SNORD118: variants seen among roughly 807,000 people sequenced by gnomAD.
SNORD118 encodes small nucleolar RNA, C/D box 118.
chr17:8,173,497 G>T (rs74861860), exon 1 of SNORD118: 8 of 765,148 alleles, frequency 1.0e-5, no homozygotes, highest in African/African-American at 5.1e-5. Context: ...TGATTACGCA[G>T]AGACGTTAAT....
Position 8,173,551 on chromosome 17 carries a change from C to T in SNORD118, n.37G>A, listed in dbSNP as rs539261856. 52 of 765,024 alleles carry T rather than the reference C, an allele frequency of 6.8e-5. No homozygotes were observed. Among genetic ancestry groups the T allele is most frequent in the Admixed American group, 1.7e-4 (10 of 58,994 alleles). 47.4% of individuals were successfully genotyped at this position (765,024 alleles called of 1,614,324 possible). Reference sequence around the variant, plus strand: ...AATCATCATGTTCTAATCTGCCCTCCGGAGGAGGAACAGGTAAGGATTATC... The same window carrying T: ...AATCATCATGTTCTAATCTGCCCTCTGGAGGAGGAACAGGTAAGGATTATC... On this transcript the variant is annotated non_coding_transcript_exon_variant, in exon 1 of 1. Transcript: ENST00000363593.
chr17:8,173,574 AT>A (rs769936619), exon 1 of SNORD118: 2 of 764,780 alleles, frequency 2.6e-6, no homozygotes. Flanking sequence ...GGTAAGGATT[AT>A]CCCACCTGAC....
rs200875242 is a variant in SNORD118 at position 8,173,567 on chromosome 17, A to C, written n.21T>G. On this transcript the variant is annotated non_coding_transcript_exon_variant, in exon 1 of 1. Coordinates refer to ENST00000363593, the Ensembl canonical transcript of SNORD118. ...TCTGCCCTCCGGAGGAGGAACAGGT[A>C]AGGATTATCCCACCTGACGATACAG... 1.0e-5 allele frequency: 8 copies of C among 765,300 alleles called. No individual in the cohort carries two copies. Among genetic ancestry groups the C allele is most frequent in the Non-Finnish European group, 1.7e-5 (7 of 417,954 alleles). The allele number at this position is 765,300 out of a possible 1,614,324, so 47.4% of individuals were successfully genotyped here. A position where few individuals can be genotyped will look rare whatever the true frequency, so the allele number is the denominator to read the frequency against.
chr17:8,173,542 T>A lies in SNORD118; in HGVS notation n.46A>T, dbSNP rs563019939. The A allele has an allele frequency of 1.6e-5, 12 of 765,432 alleles. 1 individual carries two copies. Among genetic ancestry groups the A allele is most frequent in the South Asian group, 5.4e-5 (4 of 74,618 alleles). 47.4% of individuals were successfully genotyped at this position (765,432 alleles called of 1,614,324 possible). On this transcript the variant is annotated non_coding_transcript_exon_variant, in exon 1 of 1. Coordinates refer to ENST00000363593, the Ensembl canonical transcript of SNORD118. ...TGCATCTCCAATCATCATGTTCTAA[T>A]CTGCCCTCCGGAGGAGGAACAGGTA...
Position 8,173,570 on chromosome 17 carries a change from G to A in SNORD118, n.18C>T, listed in dbSNP as rs374791151. The A allele has an allele frequency of 1.9e-4, 145 of 764,862 alleles. No homozygotes were observed. The highest frequency in any genetic ancestry group is 6.8e-4 in the Admixed American group (40 of 58,932). 47.4% of individuals were successfully genotyped at this position (764,862 alleles called of 1,614,324 possible). A position where few individuals can be genotyped will look rare whatever the true frequency, so the allele number is the denominator to read the frequency against. The stretch of plus-strand genomic sequence containing the variant: ...GCCCTCCGGAGGAGGAACAGGTAAG[G>A]ATTATCCCACCTGACGATACAGACA... On this transcript the variant is annotated non_coding_transcript_exon_variant, in exon 1 of 1. Coordinates refer to ENST00000363593, the Ensembl canonical transcript of SNORD118.
At position 8,173,571 on chromosome 17, in the gene SNORD118, A is replaced by T. The variant is rs1476705853; in HGVS notation, n.17T>A. On this transcript the variant is annotated non_coding_transcript_exon_variant, in exon 1 of 1. Coordinates refer to ENST00000363593, the Ensembl canonical transcript of SNORD118. Reference sequence around the variant, plus strand: ...CCCTCCGGAGGAGGAACAGGTAAGGATTATCCCACCTGACGATACAGACAA... The same window carrying T: ...CCCTCCGGAGGAGGAACAGGTAAGGTTTATCCCACCTGACGATACAGACAA... 3.9e-6 allele frequency: 3 copies of T among 764,986 alleles called. No individual in the cohort carries two copies. Among genetic ancestry groups the T allele is most frequent in the East Asian group, 2.4e-5 (1 of 41,244 alleles). The allele number at this position is 764,986 out of a possible 1,614,324, so 47.4% of individuals were successfully genotyped here. A position where few individuals can be genotyped will look rare whatever the true frequency, so the allele number is the denominator to read the frequency against.
chr17:8,173,536 T>G (rs772145329), exon 1 of SNORD118: 2 of 765,306 alleles, frequency 2.6e-6, no homozygotes, highest in Non-Finnish European at 4.8e-6. Flanking sequence ...AATCATCATG[T>G]TCTAATCTGC....
Position 8,173,524 on chromosome 17 carries a change from C to A in SNORD118, n.64G>T, listed in dbSNP as rs769037861. The A allele has an allele frequency of 1.3e-6, 1 of 765,378 alleles. No individual in the cohort carries two copies. The highest frequency in any genetic ancestry group is 1.3e-5 in the South Asian group (1 of 74,610). The allele number at this position is 765,378 out of a possible 1,614,324, so 47.4% of individuals were successfully genotyped here. A position where few individuals can be genotyped will look rare whatever the true frequency, so the allele number is the denominator to read the frequency against. On this transcript the variant is annotated non_coding_transcript_exon_variant, in exon 1 of 1. Transcript: ENST00000363593. The stretch of plus-strand genomic sequence containing the variant: ...GACGTTAATCACGTTTCATGCATCT[C>A]CAATCATCATGTTCTAATCTGCCCT...
chr17:8,173,508 C>A (rs772667974), exon 1 of SNORD118: 5 of 765,320 alleles, frequency 6.5e-6, no homozygotes, highest in East Asian at 2.4e-5. Context: ...AGACGTTAAT[C>A]ACGTTTCATG....
At position 8,173,485 on chromosome 17, in the gene SNORD118, C is replaced by T. The variant is rs201686383; in HGVS notation, n.103G>A. The T allele has an allele frequency of 4.5e-4, 341 of 764,944 alleles. No individual in the cohort carries two copies. Among genetic ancestry groups the T allele is most frequent in the Non-Finnish European group, 6.3e-4 (265 of 417,966 alleles). The allele number at this position is 764,944 out of a possible 1,614,324, so 47.4% of individuals were successfully genotyped here. The stretch of plus-strand genomic sequence containing the variant: ...CAGGAGCAATCAGGGTGTTGCAAGT[C>T]CTGATTACGCAGAGACGTTAATCAC... On this transcript the variant is annotated non_coding_transcript_exon_variant, in exon 1 of 1. Coordinates refer to ENST00000363593, the Ensembl canonical transcript of SNORD118.
At chr17:8,173,542 T>G (rs563019939) in exon 1 of SNORD118, 14 of 765,314 alleles carry the variant, frequency 1.8e-5, no homozygotes, top group South Asian at 1.2e-4. Context: ...CATGTTCTAA[T>G]CTGCCCTCCG....
exon 1 of SNORD118, chr17:8,173,539 T>TA (rs1555525613): frequency 1.6e-5 from 12 of 765,344 alleles, no homozygotes; most frequent in Non-Finnish European, 2.4e-5. Flanking sequence ...CATCATGTTC[T>TA]AATCTGCCCT....
In SNORD118 at chr17:8,173,521, T is replaced by C. The variant is rs189731051; in HGVS notation, n.67A>G. The C allele has an allele frequency of 7.6e-5, 58 of 765,228 alleles. No individual in the cohort carries two copies. The highest frequency in any genetic ancestry group is 1.0e-4 in the Non-Finnish European group (42 of 418,020). 47.4% of individuals were successfully genotyped at this position (765,228 alleles called of 1,614,324 possible). ...AGAGACGTTAATCACGTTTCATGCA[T>C]CTCCAATCATCATGTTCTAATCTGC... is the stretch of plus-strand genomic sequence containing the variant. On this transcript the variant is annotated non_coding_transcript_exon_variant, in exon 1 of 1. Coordinates refer to ENST00000363593, the Ensembl canonical transcript of SNORD118.
chr17:8,173,452 G>GAATCAGACAGGAGC, downstream of SNORD118: 1 of 762,934 alleles, frequency 1.3e-6, no homozygotes, highest in Non-Finnish European at 2.4e-6. Flanking sequence ...TCGTCAGAAA[G>GAATCAGACAGGAGC]AATCAGACAG....
chr17:8,173,519 C>T (rs186410337), exon 1 of SNORD118: 41 of 765,374 alleles, frequency 5.4e-5, no homozygotes, highest in South Asian at 1.7e-4. Flanking sequence ...ACGTTTCATG[C>T]ATCTCCAATC....
In SNORD118 at chr17:8,173,527, A is replaced by AT. The variant is rs1324897961; in HGVS notation, n.60dup. 1.0e-5 allele frequency: 8 copies of AT among 765,310 alleles called. No homozygotes were observed. The East Asian group carries it at 1.9e-4, about 19-fold the overall frequency. The allele number at this position is 765,310 out of a possible 1,614,324, so 47.4% of individuals were successfully genotyped here. The stretch of plus-strand genomic sequence containing the variant: ...GTTAATCACGTTTCATGCATCTCCA[A>AT]TCATCATGTTCTAATCTGCCCTCCG... On this transcript the variant is annotated non_coding_transcript_exon_variant, in exon 1 of 1. Transcript: ENST00000363593.
exon 1 of SNORD118, chr17:8,173,547 C>CTCCGGACTGCT: frequency 1.3e-6 from 1 of 765,328 alleles, no homozygotes. Flanking sequence ...TCTAATCTGC[C>CTCCGGACTGCT]CTCCGGAGGA....
exon 1 of SNORD118, chr17:8,173,587 A>T (rs368446612): frequency 2.6e-6 from 2 of 763,724 alleles, no homozygotes; most frequent in African/African-American, 1.7e-5. Flanking sequence ...CCACCTGACG[A>T]TACAGACAAA....
At chr17:8,173,535 G>GT in exon 1 of SNORD118, 1 of 765,404 alleles carries the variant, frequency 1.3e-6, no homozygotes, top group East Asian at 2.4e-5. Context: ...CAATCATCAT[G>GT]TTCTAATCTG....
Sources: allele counts gnomAD v4.1 joint callset, GRCh38; gene constraint gnomAD v4.1.1; transcripts MANE v1.5; gene names NCBI Gene and HGNC (gene_info 2026-07-23, HGNC 2026-07-21).